The following NOS1AP variants were observed in gnomAD, a reference collection of about 807,000 sequenced individuals.
The protein encoded by NOS1AP is carboxyl-terminal PDZ ligand of neuronal nitric oxide synthase protein.
In NOS1AP, 21 loss-of-function variants were observed where a neutral mutation model predicts 56.2. The observed-to-expected ratio is 0.37, with a 90% CI of 0.26 to 0.54. The LOEUF is 0.54. Ranked by LOEUF, NOS1AP falls within the 20% of genes least tolerant of loss-of-function variation. The pLI, the probability that NOS1AP is intolerant of heterozygous loss-of-function variation, is 0.84. For synonymous variants in NOS1AP, 270 were observed against 274.6 expected (o/e 0.98, Z 0.17); for missense variants, 522 against 657.8 (o/e 0.79, Z 2.26).
At chr1:162,246,936 A>T (rs1653684819) in intron 2 of NOS1AP, among the ~76,000 whole-genome samples, 1 of 152,144 alleles carries the variant, frequency 6.6e-6, no homozygotes, top group Non-Finnish European at 1.5e-5. Flanking sequence ...GGAATCAGGG[A>T]TTTTTAAATT....
intron 1 of NOS1AP, among the ~76,000 whole-genome samples, chr1:162,092,068 GGCT>G (rs1004321057): frequency 2.6e-5 from 4 of 152,162 alleles, no homozygotes; most frequent in Admixed American, 2.6e-4. Flanking sequence ...ACTAGTTCAA[GGCT>G]GTGGATCCAA....
intron 2 of NOS1AP, among the ~76,000 whole-genome samples, chr1:162,264,494 C>T (rs1571173143): frequency 7.8e-4 from 63 of 80,412 alleles, no homozygotes; most frequent in East Asian, 1.6e-3. Flanking sequence ...CCCTCTCCTC[C>T]TCTCCTCTCC....
intron 3 of NOS1AP, among the ~76,000 whole-genome samples, chr1:162,297,190 C>G (rs541051860): frequency 6.6e-6 from 1 of 152,328 alleles, no homozygotes; most frequent in East Asian, 1.9e-4. Context: ...GGACATGTGG[C>G]TGGTTGGGGT....
intron 2 of NOS1AP, among the ~76,000 whole-genome samples, chr1:162,175,171 T>C (rs933730453): frequency 3.3e-5 from 5 of 151,614 alleles, no homozygotes; most frequent in African/African-American, 9.7e-5. Context: ...AAAAAGTCGT[T>C]ATGCATGGTC....
Position 162,367,635 on chromosome 1 carries a change from A to T in NOS1AP, c.*168A>T. ...GTATTGAGATTCTGCTTTGGAGGGT[A>T]AAGTGGGGAAGAAATCGGATTCCCA... On this transcript the variant is annotated 3_prime_UTR_variant, in exon 10 of 10. Coordinates refer to ENST00000361897, the MANE Select transcript of NOS1AP (RefSeq NM_014697.3). This position sits in a 1 kb window ranked among gnomAD's most constrained non-coding sequence, Gnocchi z 6.5. 1.3e-6 allele frequency: 1 copy of T among 755,082 alleles called. No homozygotes were observed. Among genetic ancestry groups the T allele is most frequent in the South Asian group, 1.9e-5 (1 of 52,768 alleles). The allele number at this position is 755,082 out of a possible 1,614,324, so 46.8% of individuals were successfully genotyped here.
intron 1 of NOS1AP, among the ~76,000 whole-genome samples, chr1:162,077,646 A>G (rs930841218): frequency 6.6e-6 from 1 of 151,454 alleles, no homozygotes; most frequent in African/African-American, 2.4e-5. Flanking sequence ...TCTGCCTTCC[A>G]TGTCCTGTTA....
chr1:162,070,972 C>G (rs75787206), intron 1 of NOS1AP, among the ~76,000 whole-genome samples: 3 of 152,240 alleles, frequency 2.0e-5, no homozygotes, highest in Non-Finnish European at 4.4e-5. Context: ...GTCGGAGCCC[C>G]AGGTCCACCG....
chr1:162,085,660 G>A (rs1371461556), intron 1 of NOS1AP, among the ~76,000 whole-genome samples: 2 of 152,114 alleles, frequency 1.3e-5, no homozygotes, highest in Admixed American at 1.3e-4. Flanking sequence ...ATGTAGAAAT[G>A]GATCCAGTCT....
chr1:162,289,996 C>T (rs531539461), intron 3 of NOS1AP, among the ~76,000 whole-genome samples: 3 of 152,318 alleles, frequency 2.0e-5, no homozygotes, highest in African/African-American at 7.2e-5. Context: ...GAGGTTGGAT[C>T]TCATGACACA....
At chr1:162,200,091 G>GA (rs34024019) in intron 2 of NOS1AP, among the ~76,000 whole-genome samples, 5 of 152,064 alleles carry the variant, frequency 3.3e-5, no homozygotes, top group Non-Finnish European at 7.4e-5. Flanking sequence ...TGCACTGGTA[G>GA]AAAAAAAATT....
chr1:162,252,609 G>A (rs1043202369), intron 2 of NOS1AP, among the ~76,000 whole-genome samples: 1 of 152,096 alleles, frequency 6.6e-6, no homozygotes. Context: ...GCTTCAGCAA[G>A]TTGTTTCTTT....
intron 1 of NOS1AP, among the ~76,000 whole-genome samples, chr1:162,071,561 C>T (rs963884483): frequency 2.0e-5 from 3 of 152,114 alleles, no homozygotes; most frequent in African/African-American, 4.8e-5. Context: ...GAGAACTGCC[C>T]CGCTTAGTCC....
rs1486725581 is a variant in NOS1AP at position 162,300,637 on chromosome 1, T to A, written c.275T>A (p.Leu92His). ...GCCTAACTTATTCATTTACAGCTTC[T>A]TTTATTGCAGAAAAAGGAATGGACG... is the stretch of plus-strand genomic sequence containing the variant. ...KVILKKKKKL[L>H]LLQKKEWTWD... is the part of the protein sequence containing the mutation. Residue 92 changes from leucine to histidine, a missense_variant, in exon 4 of 10, where the codon CTT becomes CAT. Transcript: ENST00000361897. 4 of 1,613,792 alleles carry A rather than the reference T, an allele frequency of 2.5e-6. No homozygotes were observed. The East Asian group carries it at 8.9e-5, about 36-fold the overall frequency.
chr1:162,140,211 A>G (rs79096223), intron 1 of NOS1AP, among the ~76,000 whole-genome samples: 3,002 of 152,118 alleles, frequency 0.02, 101 homozygotes, highest in African/African-American at 0.068. Context: ...TCTCATCCAC[A>G]ACTACTTTCT....
intron 2 of NOS1AP, among the ~76,000 whole-genome samples, chr1:162,231,510 G>A (rs1314009553): frequency 6.6e-6 from 1 of 151,984 alleles, no homozygotes; most frequent in East Asian, 1.9e-4. Flanking sequence ...TTATGTTTTT[G>A]TTGCCTTAAT....
At chr1:162,136,034 T>C (rs1015614301) in intron 1 of NOS1AP, among the ~76,000 whole-genome samples, 6 of 152,204 alleles carry the variant, frequency 3.9e-5, no homozygotes, top group African/African-American at 1.4e-4. Flanking sequence ...AGCTATGTTA[T>C]AGAAGCAAGT....
intron 2 of NOS1AP, among the ~76,000 whole-genome samples, chr1:162,192,415 G>A (rs1651675152): frequency 6.6e-6 from 1 of 152,216 alleles, no homozygotes; most frequent in Non-Finnish European, 1.5e-5. Flanking sequence ...CTGGTGGGGA[G>A]GAAGGCACTC....
intron 2 of NOS1AP, among the ~76,000 whole-genome samples, chr1:162,167,998 C>CA (rs33932029): frequency 0.23 from 31,575 of 139,122 alleles, 4,196 homozygotes; most frequent in East Asian, 0.38. Flanking sequence ...AGTGGCTAGT[C>CA]AAAAAAAAAA....
chr1:162,343,887 A>G lies in NOS1AP; in HGVS notation c.506A>G (p.His169Arg). The part of the protein sequence containing the change: ...RTVGQAFEVC[H>R]KLSLQHTQQN... Reference sequence around the variant, plus strand: ...GTGGGGCAGGCCTTTGAGGTCTGCCACAAGCTGAGCCTGCAGCACACGCAG... The same window carrying G: ...GTGGGGCAGGCCTTTGAGGTCTGCCGCAAGCTGAGCCTGCAGCACACGCAG... The change falls in exon 6 of 10, where the codon CAC (histidine) becomes CGC (arginine). Residue 169 changes from histidine (H) to arginine (R), a missense_variant. His to Arg is a conservative substitution (Grantham distance 29). Coordinates refer to ENST00000361897, the MANE Select transcript of NOS1AP (RefSeq NM_014697.3). 6.2e-7 allele frequency: 1 copy of G among 1,614,110 alleles called. No homozygotes were observed. The highest frequency in any genetic ancestry group is 8.5e-7 in the Non-Finnish European group (1 of 1,180,020).
Sources: allele counts gnomAD v4.1 joint callset (sites outside exome capture counted in the v4.1 genomes callset), GRCh38; gene constraint gnomAD v4.1.1; non-coding constraint Gnocchi (gnomAD v3.1); transcripts MANE v1.5; gene names NCBI Gene and HGNC (gene_info 2026-07-23, HGNC 2026-07-21).